The following CHST2 variants were observed in gnomAD, a reference collection of about 807,000 sequenced individuals.
CHST2 encodes carbohydrate sulfotransferase 2.
In CHST2, 23 loss-of-function variants were observed where a neutral mutation model predicts 34.6. The ratio of observed to expected loss-of-function variants is 0.67; its 90% CI spans 0.48 to 0.94. The LOEUF (loss-of-function observed/expected upper bound fraction) is 0.94. Among genes scored for constraint, CHST2 ranks in the 40% least tolerant of loss-of-function variants. The pLI, the probability that CHST2 is intolerant of heterozygous loss-of-function variation, is 0.00. For synonymous variants in CHST2, 392 were observed against 343.1 expected (o/e 1.14, Z -1.58); for missense variants, 720 against 759.5 (o/e 0.95, Z 0.61).
In CHST2 at chr3:143,123,839, C is replaced by G. The variant is rs1375087345; in HGVS notation, c.*1430C>G. The stretch of plus-strand genomic sequence containing the variant: ...GTAGGATTTTGAAATTTGGTATTTT[C>G]CAGGGAGAAAACCGTTACATTTTCC... On this transcript the variant is annotated 3_prime_UTR_variant, in exon 2 of 2. Coordinates refer to ENST00000309575, the MANE Select transcript of CHST2 (RefSeq NM_004267.5). The G allele has an allele frequency of 3.3e-5, 5 of 152,176 alleles. No homozygotes were observed. Among genetic ancestry groups the G allele is most frequent in the Admixed American group, 6.5e-5 (1 of 15,280 alleles). 9.4% of individuals were successfully genotyped at this position (152,176 alleles called of 1,614,324 possible).
chr3:143,120,907 C>T lies in CHST2; in HGVS notation c.91C>T (p.Pro31Ser). ...APAAAPRALL[P>S]QWPRRPGRRW... ...TGCAGCCGCGCCGCGTGCCCTGCTC[C>T]CGCAGTGGCCCCGGCGCCCAGGACG... Residue 31 changes from proline to serine, a missense_variant, in exon 2 of 2, where the codon CCG (proline) becomes TCG (serine). This residue lies in a region of CHST2 where 287 missense variants were observed against 242.7 expected (regional missense o/e 1.18). Coordinates refer to ENST00000309575, the MANE Select transcript of CHST2 (RefSeq NM_004267.5). This position sits in a 1 kb window ranked among gnomAD's most constrained non-coding sequence, Gnocchi z 4.1. 1 of 1,505,286 alleles carries T rather than the reference C, an allele frequency of 6.6e-7. No homozygotes were observed. Among genetic ancestry groups the T allele is most frequent in the Non-Finnish European group, 8.9e-7 (1 of 1,128,132 alleles). The allele number at this position is 1,505,286 out of a possible 1,614,324, so 93.2% of individuals were successfully genotyped here. A position where few individuals can be genotyped will look rare whatever the true frequency, so the allele number is the denominator to read the frequency against.
At position 143,121,113 on chromosome 3, in the gene CHST2, C is replaced by G. The variant is rs1363212877; in HGVS notation, c.297C>G (p.Ala99=). 3 of 1,488,004 alleles carry G rather than the reference C, an allele frequency of 2.0e-6. No homozygotes were observed. The highest frequency in any genetic ancestry group is 2.9e-5 in the African/African-American group (2 of 68,056). The allele number at this position is 1,488,004 out of a possible 1,614,324, so 92.2% of individuals were successfully genotyped here. The change falls in exon 2 of 2, where the codon GCC becomes GCG. Residue 99 remains alanine, a synonymous_variant. Coordinates refer to ENST00000309575, the MANE Select transcript of CHST2 (RefSeq NM_004267.5). ...DGPLGAAAGA[A]GGSWGRPGPP... Reference sequence around the variant, plus strand: ...CGCTGGGTGCCGCAGCGGGGGCAGCCGGAGGCAGCTGGGGGCGCCCAGGGC... The same window carrying G: ...CGCTGGGTGCCGCAGCGGGGGCAGCGGGAGGCAGCTGGGGGCGCCCAGGGC...
chr3:143,121,168 G>T lies in CHST2; in HGVS notation c.352G>T (p.Ala118Ser), dbSNP rs766693447. The T allele has an allele frequency of 1.6e-5, 24 of 1,503,610 alleles. No individual in the cohort carries two copies. Among genetic ancestry groups the T allele is most frequent in the Non-Finnish European group, 2.1e-5 (24 of 1,135,636 alleles). 93.1% of individuals were successfully genotyped at this position (1,503,610 alleles called of 1,614,324 possible). The change falls in exon 2 of 2, where the codon GCC (alanine) becomes TCC (serine). Residue 118 changes from alanine (A) to serine (S), a missense_variant. Transcript: ENST00000309575. ...TCCGGCCGGGCCGCCCCGTGCTCAT[G>T]CCCGTTTGGACCTCCGCACTCCTTA... ...PPPAGPPRAH[A>S]RLDLRTPYRP...
In CHST2 at chr3:143,120,746, C is replaced by T; in HGVS notation, c.-71C>T. The T allele has an allele frequency of 8.4e-7, 1 of 1,187,318 alleles. No individual in the cohort carries two copies. The allele number at this position is 1,187,318 out of a possible 1,614,324, so 73.5% of individuals were successfully genotyped here. On this transcript the variant is annotated 5_prime_UTR_variant, in exon 2 of 2. It introduces an in-frame stop codon into an upstream open reading frame of the 5' UTR. Coordinates refer to ENST00000309575, the MANE Select transcript of CHST2 (RefSeq NM_004267.5). The surrounding 1 kb of genome is among the most constrained non-coding windows in gnomAD (Gnocchi z 4.1). Reference sequence around the variant, plus strand: ...CGGCCCGAGTCCCGGCGCCAGCAGCCAGCCCGCTGCGTCCCCTTCCCGGGC... The same window carrying T: ...CGGCCCGAGTCCCGGCGCCAGCAGCTAGCCCGCTGCGTCCCCTTCCCGGGC...
At position 143,120,776 on chromosome 3, in the gene CHST2, G is replaced by T. The variant is rs1936198169; in HGVS notation, c.-41G>T. ...CGCTGCGTCCCCTTCCCGGGCTGCA[G>T]GGCTGCCTCCGCCGCGCCGCCGGCC... On this transcript the variant is annotated 5_prime_UTR_variant, in exon 2 of 2. It adds an upstream start codon to the 5' untranslated region. Transcript: ENST00000309575. The surrounding 1 kb of genome is among the most constrained non-coding windows in gnomAD (Gnocchi z 4.1). 1 of 1,220,408 alleles carries T rather than the reference G, an allele frequency of 8.2e-7. No homozygotes were observed. Among genetic ancestry groups the T allele is most frequent in the East Asian group, 3.4e-5 (1 of 29,068 alleles). The allele number at this position is 1,220,408 out of a possible 1,614,324, so 75.6% of individuals were successfully genotyped here.
rs749993676 is a variant in CHST2, at chr3:143,120,531, C to T, written c.-184C>T. The T allele has an allele frequency of 5.8e-4, 135 of 232,496 alleles. 1 individual carries two copies. Among genetic ancestry groups the T allele is most frequent in the Non-Finnish European group, 1.0e-3 (125 of 121,402 alleles). The allele number at this position is 232,496 out of a possible 1,614,324, so 14.4% of individuals were successfully genotyped here. On this transcript the variant is annotated 5_prime_UTR_variant, in exon 1 of 2. Coordinates refer to ENST00000309575, the MANE Select transcript of CHST2 (RefSeq NM_004267.5). The surrounding 1 kb of genome is among the most constrained non-coding windows in gnomAD (Gnocchi z 4.1). ...ATCCGGGGCCGCTCCCGGGCGCGCC[C>T]TCGGCTCCAGGTGAGCGGAGGAACC...
rs1559816717 is a variant in CHST2 at position 143,121,523 on chromosome 3, CCGCGGGCAGCGGGGGG to C, written c.711_726del (p.Gly238ThrfsTer59). ...CTCTCTGTCTTCCAGTTGTATAGCCCCGCGGGCAGCGGGGGGCGCAACCTCACCACGCTGGGCATCT... is the reference window on the plus strand; with the variant it reads ...CTCTCTGTCTTCCAGTTGTATAGCCCCGCAACCTCACCACGCTGGGCATCT... On this transcript the variant is annotated frameshift_variant, in exon 2 of 2. Transcript: ENST00000309575. LOFTEE classifies it high-confidence loss of function. 1 of 1,610,492 alleles carries C rather than the reference CCGCGGGCAGCGGGGGG, an allele frequency of 6.2e-7. No individual in the cohort carries two copies. Among genetic ancestry groups the C allele is most frequent in the East Asian group, 2.2e-5 (1 of 44,794 alleles).
Position 143,121,662 on chromosome 3 carries a change from G to A in CHST2, c.846G>A (p.Lys282=). The change falls in exon 2 of 2, where the codon AAG becomes AAA. Residue 282 remains lysine (K), a synonymous_variant. Transcript: ENST00000309575. The stretch of plus-strand genomic sequence containing the variant: ...TGGTGGACGACCGCGTGTGCAAGAA[G>A]TGCCCGCCACAGCGCCTGGCGCGTT... ...VGLVDDRVCK[K]CPPQRLARFE... 6.4e-7 allele frequency: 1 copy of A among 1,568,240 alleles called. No homozygotes were observed. Among genetic ancestry groups the A allele is most frequent in the Non-Finnish European group, 8.7e-7 (1 of 1,151,976 alleles).
chr3:143,122,689 AC>A lies in CHST2; in HGVS notation c.*283del, dbSNP rs1936248614. 4 of 305,934 alleles carry A rather than the reference AC, an allele frequency of 1.3e-5. No homozygotes were observed. The highest frequency in any genetic ancestry group is 1.9e-5 in the Non-Finnish European group (3 of 159,076). The allele number at this position is 305,934 out of a possible 1,614,324, so 19.0% of individuals were successfully genotyped here. A position where few individuals can be genotyped will look rare whatever the true frequency, so the allele number is the denominator to read the frequency against. ...TCTTGTCCTCTTTCTCCTATTTCTTACCCTGTCCTCCACCTGCCTTCCATTT... is the reference window on the plus strand; with the variant it reads ...TCTTGTCCTCTTTCTCCTATTTCTTACCTGTCCTCCACCTGCCTTCCATTT... On this transcript the variant is annotated 3_prime_UTR_variant, in exon 2 of 2. Coordinates refer to ENST00000309575, the MANE Select transcript of CHST2 (RefSeq NM_004267.5).
chr3:143,120,651 C>A lies in CHST2; in HGVS notation c.-166C>A, dbSNP rs1936196079. ...CTCCGCTTCCCCTCGCAGGTCCTAC[C>A]CGGAGCCGCTGCCATGGGAGAGCCA... is the stretch of plus-strand genomic sequence containing the variant. On this transcript the variant is annotated 5_prime_UTR_variant, in exon 2 of 2. Coordinates refer to ENST00000309575, the MANE Select transcript of CHST2 (RefSeq NM_004267.5). This position sits in a 1 kb window ranked among gnomAD's most constrained non-coding sequence, Gnocchi z 4.1. 2.0e-6 allele frequency: 1 copy of A among 510,244 alleles called. No homozygotes were observed. 31.6% of individuals were successfully genotyped at this position (510,244 alleles called of 1,614,324 possible). A position where few individuals can be genotyped will look rare whatever the true frequency, so the allele number is the denominator to read the frequency against.
Position 143,121,760 on chromosome 3 carries a change from C to A in CHST2, c.944C>A (p.Ala315Glu), listed in dbSNP as rs1338791902. 1.2e-6 allele frequency: 2 copies of A among 1,605,074 alleles called. No homozygotes were observed. Among genetic ancestry groups the A allele is most frequent in the East Asian group, 2.2e-5 (1 of 44,614 alleles). Residue 315 changes from alanine to glutamate, a missense_variant, in exon 2 of 2, where the codon GCG becomes GAG. Coordinates refer to ENST00000309575, the MANE Select transcript of CHST2 (RefSeq NM_004267.5). ...GVRVFDVAVL[A>E]PLLRDPALDL... Reference sequence around the variant, plus strand: ...CGCGTCTTCGACGTGGCGGTCTTGGCGCCACTGCTGCGAGACCCGGCCCTG... The same window carrying A: ...CGCGTCTTCGACGTGGCGGTCTTGGAGCCACTGCTGCGAGACCCGGCCCTG...
In CHST2 at chr3:143,121,326, C is replaced by T; in HGVS notation, c.510C>T (p.Phe170=). ...ACAAGCGGCAGCTGGTGTACGTGTT[C>T]ACCACGTGGCGCTCTGGCTCGTCGT... ...VGDKRQLVYV[F]TTWRSGSSFF... Residue 170 remains phenylalanine, a synonymous_variant, in exon 2 of 2, where the codon TTC becomes TTT. Coordinates refer to ENST00000309575, the MANE Select transcript of CHST2 (RefSeq NM_004267.5). 1.9e-6 allele frequency: 3 copies of T among 1,613,476 alleles called. No homozygotes were observed. The highest frequency in any genetic ancestry group is 1.1e-5 in the South Asian group (1 of 91,084).
Position 143,123,168 on chromosome 3 carries a change from A to G in CHST2, c.*759A>G, listed in dbSNP as rs1379375438. The G allele has an allele frequency of 6.6e-6, 1 of 152,510 alleles. No individual in the cohort carries two copies. Among genetic ancestry groups the G allele is most frequent in the Non-Finnish European group, 1.5e-5 (1 of 68,050 alleles). 9.4% of individuals were successfully genotyped at this position (152,510 alleles called of 1,614,324 possible). ...GTAAATCTCAGCCTGTTAGGTGTCCAGGAGTGAAACACATCTTTGTATTCT... is the reference window on the plus strand; with the variant it reads ...GTAAATCTCAGCCTGTTAGGTGTCCGGGAGTGAAACACATCTTTGTATTCT... On this transcript the variant is annotated 3_prime_UTR_variant, in exon 2 of 2. Coordinates refer to ENST00000309575, the MANE Select transcript of CHST2 (RefSeq NM_004267.5).
In CHST2 at chr3:143,121,833, T is replaced by C; in HGVS notation, c.1017T>C (p.Ser339=). Residue 339 remains serine, a synonymous_variant, in exon 2 of 2, where the codon AGT becomes AGC. Transcript: ENST00000309575. ...HLVRDPRAVA[S]SRIRSRHGLI... ...TGCGTGATCCCCGCGCGGTGGCGAG[T>C]TCACGGATCCGCTCGCGCCACGGCC... 2 of 1,592,186 alleles carry C rather than the reference T, an allele frequency of 1.3e-6. No homozygotes were observed. The highest frequency in any genetic ancestry group is 1.7e-4 in the Middle Eastern group (1 of 5,980).
In CHST2 at chr3:143,121,047, G is replaced by T; in HGVS notation, c.231G>T (p.Lys77Asn). 2 of 1,524,584 alleles carry T rather than the reference G, an allele frequency of 1.3e-6. No homozygotes were observed. The allele number at this position is 1,524,584 out of a possible 1,614,324, so 94.4% of individuals were successfully genotyped here. Residue 77 changes from lysine (K) to asparagine (N), a missense_variant, in exon 2 of 2, where the codon AAG (lysine) becomes AAT (asparagine). Around this residue, in one of 4 missense-constraint regions of CHST2, gnomAD observed 287 missense variants for 242.7 expected, o/e 1.18. Coordinates refer to ENST00000309575, the MANE Select transcript of CHST2 (RefSeq NM_004267.5). ...VLTMLNLLDY[K>N]WHKEPLQQCN... ...CTATGCTCAACCTCCTGGACTACAA[G>T]TGGCACAAGGAGCCGCTGCAGCAGT...
Position 143,121,593 on chromosome 3 carries a change from C to T in CHST2, c.777C>T (p.Cys259=), listed in dbSNP as rs1936219716. Residue 259 remains cysteine, a synonymous_variant, in exon 2 of 2, where the codon TGC becomes TGT. Transcript: ENST00000309575. ...GCGCAGCCACCAACAAGGTGGTGTGCTCGTCACCACTCTGCCCCGCCTACC... is the reference window on the plus strand; with the variant it reads ...GCGCAGCCACCAACAAGGTGGTGTGTTCGTCACCACTCTGCCCCGCCTACC... ...IFGAATNKVV[C]SSPLCPAYRK... 2.5e-6 allele frequency: 4 copies of T among 1,604,728 alleles called. No individual in the cohort carries two copies. Among genetic ancestry groups the T allele is most frequent in the East Asian group, 2.2e-5 (1 of 44,698 alleles).
chr3:143,122,771 T>C lies in CHST2; in HGVS notation c.*362T>C, dbSNP rs1339108977. The C allele has an allele frequency of 5.3e-6, 1 of 187,622 alleles. No homozygotes were observed. Among genetic ancestry groups the C allele is most frequent in the East Asian group, 1.6e-4 (1 of 6,300 alleles). 11.6% of individuals were successfully genotyped at this position (187,622 alleles called of 1,614,324 possible). On this transcript the variant is annotated 3_prime_UTR_variant, in exon 2 of 2. Coordinates refer to ENST00000309575, the MANE Select transcript of CHST2 (RefSeq NM_004267.5). ...AGTAACCCAAATCTTGTTTACAAAA[T>C]ATTCGTGGTATCTGTGAACATGTTA...
chr3:143,121,947 C>A lies in CHST2; in HGVS notation c.1131C>A (p.Gly377=), dbSNP rs771646026. 1 of 1,579,800 alleles carries A rather than the reference C, an allele frequency of 6.3e-7. No individual in the cohort carries two copies. The highest frequency in any genetic ancestry group is 1.8e-5 in the Admixed American group (1 of 55,130). ...TGGAGGCCGCGGGCCACAAGCTTGG[C>A]GCCAAGAAGGAGGGCGTGGGCGGCC... ...PFLEAAGHKL[G]AKKEGVGGPA... The change falls in exon 2 of 2, where the codon GGC becomes GGA. Residue 377 remains glycine (G), a synonymous_variant. Coordinates refer to ENST00000309575, the MANE Select transcript of CHST2 (RefSeq NM_004267.5).
Position 143,121,911 on chromosome 3 carries a change from C to G in CHST2, c.1095C>G (p.Arg365=). 1 of 1,578,960 alleles carries G rather than the reference C, an allele frequency of 6.3e-7. No homozygotes were observed. The highest frequency in any genetic ancestry group is 2.2e-5 in the East Asian group (1 of 44,462). Residue 365 remains arginine, a synonymous_variant, in exon 2 of 2, where the codon CGC becomes CGG. Coordinates refer to ENST00000309575, the MANE Select transcript of CHST2 (RefSeq NM_004267.5). ...GCAGCCGAGACCCGCGAGCTCACCG[C>G]ATGCCCTTCTTGGAGGCCGCGGGCC... ...VVRSRDPRAH[R]MPFLEAAGHK...
Sources: allele counts gnomAD v4.1 joint callset, GRCh38; gene constraint gnomAD v4.1.1; regional missense constraint gnomAD v4.1.1; non-coding constraint Gnocchi (gnomAD v3.1); transcripts MANE v1.5; gene names NCBI Gene and HGNC (gene_info 2026-07-23, HGNC 2026-07-21).